The following TIAM1 variants were observed in gnomAD, a reference collection of about 807,000 sequenced individuals.
TIAM1 encodes TIAM Rac1 associated GEF 1.
TIAM1 carries 65 observed loss-of-function variants against 163.5 expected under a neutral mutation model. The ratio of observed to expected loss-of-function variants is 0.40; its 90% CI spans 0.33 to 0.49. The LOEUF (loss-of-function observed/expected upper bound fraction) is 0.49. Among genes scored for constraint, TIAM1 ranks in the 20% least tolerant of loss-of-function variants. The pLI is 0.77. For synonymous variants in TIAM1, 833 were observed against 810.1 expected, an observed-to-expected ratio of 1.03 and a Z score of -0.48; for missense variants, 1,789 against 2,044.7, an observed-to-expected ratio of 0.87 and a Z score of 2.41.
chr21:31,293,340 C>T (rs114703686), intron 2 of TIAM1, among the ~76,000 whole-genome samples: 199 of 152,236 alleles, frequency 1.3e-3, no homozygotes, highest in African/African-American at 4.6e-3. Flanking sequence ...GGGTCATTTG[C>T]TTTACTCAAC....
intron 7 of TIAM1, 40 bp downstream of exon 7, chr21:31,225,686 T>A: frequency 6.7e-7 from 1 of 1,503,676 alleles, no homozygotes; most frequent in Non-Finnish European, 9.1e-7. Flanking sequence ...TTTAGAGACC[T>A]AACAATTTTG....
chr21:31,208,859 A>G lies in TIAM1; in HGVS notation c.2388+1186T>C, dbSNP rs78847762. On this transcript the variant is annotated intron_variant, in intron 11 of 27. Transcript: ENST00000541036. ...GCGGAGGTAGTGAAAGTCATTCAGT[A>G]TTTACAAACATTGTGTTGAATGATG... Among the ~76,000 whole-genome samples the G allele has an allele frequency of 3.3e-5, 5 of 152,334 alleles. No individual in the cohort carries two copies. The East Asian group carries it at 9.6e-4, about 29-fold the overall frequency.
At chr21:31,365,383 C>CTT (rs201546931) in intron 2 of TIAM1, among the ~76,000 whole-genome samples, 213 of 138,444 alleles carry the variant, frequency 1.5e-3, no homozygotes, top group African/African-American at 5.3e-3. Context: ...TCACTTATTT[C>CTT]TTTCTTTTTT....
chr21:31,225,468 T>C (rs983355290), intron 7 of TIAM1, among the ~76,000 whole-genome samples: 1 of 152,140 alleles, frequency 6.6e-6, no homozygotes, highest in Non-Finnish European at 1.5e-5. Context: ...GAGCACATCA[T>C]TGATGGGGGC....
chr21:31,195,387 T>G (rs1209708142), intron 12 of TIAM1, 82 bp from the exon 13 acceptor site: 2 of 994,434 alleles, frequency 2.0e-6, no homozygotes, highest in African/African-American at 3.3e-5. Context: ...AAATCTATTT[T>G]TTCACAATTG....
intron 2 of TIAM1, among the ~76,000 whole-genome samples, chr21:31,355,405 T>C (rs1257104664): frequency 6.6e-6 from 1 of 152,174 alleles, no homozygotes; most frequent in African/African-American, 2.4e-5. Flanking sequence ...ACTTGAGGTC[T>C]TTGTTCAACA....
At chr21:31,384,462 C>A (rs1309211543) in intron 2 of TIAM1, among the ~76,000 whole-genome samples, 1 of 151,604 alleles carries the variant, frequency 6.6e-6, no homozygotes, top group Non-Finnish European at 1.5e-5. Context: ...GTAGTCCCAG[C>A]TACTCAGTAG....
intron 2 of TIAM1, among the ~76,000 whole-genome samples, chr21:31,405,834 T>C (rs1210664923): frequency 6.6e-6 from 1 of 152,038 alleles, no homozygotes; most frequent in South Asian, 2.1e-4. Flanking sequence ...CCAAACCATA[T>C]CACCTCCCAA....
intron 1 of TIAM1, among the ~76,000 whole-genome samples, chr21:31,554,957 G>A (rs1292891755): frequency 6.6e-6 from 1 of 152,150 alleles, no homozygotes; most frequent in African/African-American, 2.4e-5. Flanking sequence ...CAGGAACAGG[G>A]AAGGTCTTAT....
At chr21:31,159,599 T>A (rs1021632990) in intron 16 of TIAM1, among the ~76,000 whole-genome samples, 2 of 152,234 alleles carry the variant, frequency 1.3e-5, no homozygotes, top group Non-Finnish European at 2.9e-5. Flanking sequence ...CTATGTACAA[T>A]GGTAATCCCT....
chr21:31,520,739 C>T (rs1201398517), intron 1 of TIAM1, among the ~76,000 whole-genome samples: 2 of 152,170 alleles, frequency 1.3e-5, no homozygotes, highest in Admixed American at 6.5e-5. Flanking sequence ...ACTTCCCAGC[C>T]GTGCGATTGG....
chr21:31,187,061 C>T lies in TIAM1; in HGVS notation c.2602G>A (p.Asp868Asn), dbSNP rs147918477. ...TTCACGTACAGCCTTCGAATACCAT[C>T]TTCTTCCACAGAAGAAAGTGAAAAC... is the stretch of plus-strand genomic sequence containing the variant. ...YGFSLSSVEEDGIRRLYVNSV... is the reference protein window; with the variant it reads ...YGFSLSSVEENGIRRLYVNSV... The change falls in exon 14 of 28, where the codon GAT (aspartate) becomes AAT (asparagine). Residue 868 changes from aspartate (D) to asparagine (N), a missense_variant. By Grantham distance (23) the Asp-to-Asn change is conservative. This residue lies in a region of TIAM1 where 456 missense variants were observed against 586.6 expected (regional missense o/e 0.78). Coordinates refer to ENST00000541036, the MANE Select transcript of TIAM1 (RefSeq NM_001353694.2). 8.7e-6 allele frequency: 14 copies of T among 1,614,018 alleles called. No individual in the cohort carries two copies. The African/African-American group carries it at 1.9e-4, about 22-fold the overall frequency.
chr21:31,489,487 A>AGAG (rs2046387800), intron 1 of TIAM1, among the ~76,000 whole-genome samples: 8 of 126,644 alleles, frequency 6.3e-5, no homozygotes, highest in Admixed American at 4.1e-4. Flanking sequence ...AGATGAAAGA[A>AGAG]AGAGAGAGAG....
intron 2 of TIAM1, among the ~76,000 whole-genome samples, chr21:31,398,981 G>C (rs2077120210): frequency 1.3e-5 from 2 of 152,108 alleles, no homozygotes; most frequent in South Asian, 4.2e-4. Context: ...TTCGAGACCA[G>C]CTTAGCCAAC....
intron 2 of TIAM1, among the ~76,000 whole-genome samples, chr21:31,313,057 T>C (rs2074989408): frequency 6.6e-6 from 1 of 152,200 alleles, no homozygotes; most frequent in East Asian, 1.9e-4. Context: ...AATGTTTCTG[T>C]GCATAGTGTG....
chr21:31,407,235 T>C (rs2077262897), intron 2 of TIAM1, among the ~76,000 whole-genome samples: 3 of 152,038 alleles, frequency 2.0e-5, no homozygotes, highest in Admixed American at 1.3e-4. Context: ...GAAGCCAAAA[T>C]TGTAAACGCT....
At position 31,127,135 on chromosome 21, in the gene TIAM1, C is replaced by G; in HGVS notation, c.4063G>C (p.Val1355Leu). 6.2e-7 allele frequency: 1 copy of G among 1,613,952 alleles called. No homozygotes were observed. The highest frequency in any genetic ancestry group is 8.5e-7 in the Non-Finnish European group (1 of 1,179,820). The stretch of plus-strand genomic sequence containing the variant: ...GATTTTACATGGACAATTTCACACA[C>G]GGCATTTGCCTCTGCATCTAAAGAA... Reference protein sequence around the residue: ...LASADAEANAVCEIVHVKSES... With the variant: ...LASADAEANALCEIVHVKSES... Residue 1355 changes from valine to leucine, a missense_variant, in exon 26 of 28, where the codon GTG becomes CTG. By Grantham distance (32) the Val-to-Leu change is conservative. Transcript: ENST00000541036.
intron 2 of TIAM1, among the ~76,000 whole-genome samples, chr21:31,426,907 T>A (rs1051792467): frequency 1.3e-5 from 2 of 152,000 alleles, no homozygotes; most frequent in Non-Finnish European, 2.9e-5. Flanking sequence ...GGGGTGGGTG[T>A]TTTTAGTTTT....
chr21:31,172,252 T>G (rs945618765), intron 15 of TIAM1, among the ~76,000 whole-genome samples: 1 of 151,906 alleles, frequency 6.6e-6, no homozygotes, highest in African/African-American at 2.4e-5. Context: ...GAGGGCCTTC[T>G]CTAAACACTC....
Sources: allele counts gnomAD v4.1 joint callset (sites outside exome capture counted in the v4.1 genomes callset), GRCh38; gene constraint gnomAD v4.1.1; regional missense constraint gnomAD v4.1.1; transcripts MANE v1.5; gene names NCBI Gene and HGNC (gene_info 2026-07-23, HGNC 2026-07-21).